GOLPH3: variants seen among roughly 807,000 people sequenced by gnomAD.
GOLPH3 encodes coat protein GPP34.
In GOLPH3, 14 loss-of-function variants were observed where a neutral mutation model predicts 28.5. The observed-to-expected ratio is 0.49, with a 90% CI of 0.32 to 0.77. GOLPH3 has a LOEUF of 0.77. Among genes scored for constraint, GOLPH3 ranks in the 30% least tolerant of loss-of-function variants. The pLI is 0.03. For synonymous variants in GOLPH3, 158 were observed against 159.2 expected, an observed-to-expected ratio of 0.99 and a Z score of 0.06; for missense variants, 350 against 393.7, an observed-to-expected ratio of 0.89 and a Z score of 0.94.
chr5:32,158,637 C>T (rs75566623), intron 1 of GOLPH3, among the ~76,000 whole-genome samples: 4,747 of 152,148 alleles, frequency 0.031, 149 homozygotes, highest in East Asian at 0.16. Context: ...AGCTCCTGCT[C>T]GGGCTCTTTG....
intron 1 of GOLPH3, among the ~76,000 whole-genome samples, chr5:32,158,823 T>C (rs1021675355): frequency 1.3e-5 from 2 of 152,200 alleles, no homozygotes; most frequent in Non-Finnish European, 2.9e-5. Flanking sequence ...CTCTTCAAGA[T>C]ACTCTCCATT....
chr5:32,153,818 G>A (rs1746361077), intron 1 of GOLPH3, among the ~76,000 whole-genome samples: 1 of 152,094 alleles, frequency 6.6e-6, no homozygotes, highest in African/African-American at 2.4e-5. Flanking sequence ...ATACGAAAGA[G>A]TCCTACAAGC....
intron 2 of GOLPH3, among the ~76,000 whole-genome samples, chr5:32,143,313 C>T (rs981617355): frequency 6.6e-5 from 10 of 151,368 alleles, no homozygotes; most frequent in Admixed American, 1.3e-4. Context: ...ACAAACACTG[C>T]GGAAGGCCGC....
Position 32,173,858 on chromosome 5 carries a change from C to T in GOLPH3, c.177G>A (p.Arg59=). 6.6e-7 allele frequency: 1 copy of T among 1,525,650 alleles called. No individual in the cohort carries two copies. 94.5% of individuals were successfully genotyped at this position (1,525,650 alleles called of 1,614,324 possible). ...DDDKGDSKET[R]LTLMEEVLLL... is the part of the protein sequence containing the mutation. ...GGAGCACTTCCTCCATCAGGGTCAG[C>T]CGCGTTTCCTTGGAGTCGCCCTTGT... The change falls in exon 1 of 4, where the codon CGG becomes CGA. Residue 59 remains arginine, a synonymous_variant. Transcript: ENST00000265070.
intron 1 of GOLPH3, among the ~76,000 whole-genome samples, chr5:32,152,866 A>G (rs1746339413): frequency 1.3e-5 from 2 of 152,186 alleles, no homozygotes; most frequent in African/African-American, 2.4e-5. Context: ...AGGCATTCTC[A>G]TAACTATGAT....
chr5:32,157,429 T>C (rs1262465863), intron 1 of GOLPH3, among the ~76,000 whole-genome samples: 1 of 152,176 alleles, frequency 6.6e-6, no homozygotes, highest in Non-Finnish European at 1.5e-5. Flanking sequence ...CCTTCTGAAC[T>C]AAGTGCTATT....
intron 1 of GOLPH3, among the ~76,000 whole-genome samples, chr5:32,172,052 CT>C (rs1387758044): frequency 1.3e-5 from 2 of 152,282 alleles, no homozygotes; most frequent in East Asian, 1.9e-4. Flanking sequence ...CGCTATACCC[CT>C]AGTTTACTTT....
intron 1 of GOLPH3, among the ~76,000 whole-genome samples, chr5:32,153,701 A>G (rs377519919): frequency 5.2e-4 from 79 of 152,358 alleles, no homozygotes; most frequent in African/African-American, 1.7e-3. Flanking sequence ...TAAGTTAAAT[A>G]AAAATCTATA....
intron 1 of GOLPH3, among the ~76,000 whole-genome samples, chr5:32,158,494 CA>C (rs1386652478): frequency 6.6e-6 from 1 of 152,154 alleles, no homozygotes; most frequent in Non-Finnish European, 1.5e-5. Flanking sequence ...TACCATCATA[CA>C]AGAGACAGAC....
intron 1 of GOLPH3, among the ~76,000 whole-genome samples, chr5:32,157,007 G>A (rs1746446558): frequency 6.6e-6 from 1 of 152,188 alleles, no homozygotes; most frequent in South Asian, 2.1e-4. Flanking sequence ...TAAGTTACTG[G>A]TAGTAATCAA....
At chr5:32,148,511 A>T (rs549910209) in intron 1 of GOLPH3, among the ~76,000 whole-genome samples, 3 of 152,362 alleles carry the variant, frequency 2.0e-5, no homozygotes, top group African/African-American at 7.2e-5. Flanking sequence ...ATAGAAATAT[A>T]GGCCAGGTCC....
chr5:32,130,937 T>C (rs1386856334), intron 3 of GOLPH3, among the ~76,000 whole-genome samples: 2 of 152,238 alleles, frequency 1.3e-5, no homozygotes, highest in South Asian at 2.1e-4. Flanking sequence ...TTCCAAAGTA[T>C]ACTAACTTAC....
rs1746130586 is a variant in GOLPH3 at position 32,143,606 on chromosome 5, T to C, written c.357+143A>G. 5 of 718,110 alleles carry C rather than the reference T, an allele frequency of 7.0e-6. No individual in the cohort carries two copies. The South Asian group carries it at 9.7e-5, about 14-fold the overall frequency. The allele number at this position is 718,110 out of a possible 1,614,324, so 44.5% of individuals were successfully genotyped here. A position where few individuals can be genotyped will look rare whatever the true frequency, so the allele number is the denominator to read the frequency against. Reference sequence around the variant, plus strand: ...GGTGAAAGAACCAGGAAACCAAGAATGCAAAAAAGATATGGAAATACAATT... The same window carrying C: ...GGTGAAAGAACCAGGAAACCAAGAACGCAAAAAAGATATGGAAATACAATT... On this transcript the variant is annotated intron_variant, in intron 2 of 3. Transcript: ENST00000265070.
At chr5:32,150,132 T>C (rs1427810350) in intron 1 of GOLPH3, among the ~76,000 whole-genome samples, 1 of 152,064 alleles carries the variant, frequency 6.6e-6, no homozygotes, top group South Asian at 2.1e-4. Flanking sequence ...AGTTGTCATA[T>C]ACAAACAAAA....
intron 3 of GOLPH3, among the ~76,000 whole-genome samples, chr5:32,135,063 A>T (rs190532634): frequency 0.032 from 4,875 of 152,302 alleles, 158 homozygotes; most frequent in East Asian, 0.17. Context: ...CTGATCAATG[A>T]AACATGAACC....
At chr5:32,149,942 A>T (rs1746268698) in intron 1 of GOLPH3, among the ~76,000 whole-genome samples, 1 of 152,012 alleles carries the variant, frequency 6.6e-6, no homozygotes, top group Non-Finnish European at 1.5e-5. Context: ...GGCTGCAGTG[A>T]GCCACTGCAC....
chr5:32,163,007 G>A (rs1362333757), intron 1 of GOLPH3, among the ~76,000 whole-genome samples: 2 of 152,232 alleles, frequency 1.3e-5, no homozygotes, highest in Admixed American at 1.3e-4. Flanking sequence ...GAACCCGGGA[G>A]GCAGAGCTTG....
chr5:32,143,969 T>C, intron 1 of GOLPH3, 89 bp from the exon 2 acceptor site: 1 of 823,782 alleles, frequency 1.2e-6, no homozygotes, highest in South Asian at 2.2e-5. Context: ...GCCAAAGTCA[T>C]ATTTGGTGCC....
At chr5:32,155,716 G>C (rs1298805926) in intron 1 of GOLPH3, among the ~76,000 whole-genome samples, 1 of 151,966 alleles carries the variant, frequency 6.6e-6, no homozygotes, top group Non-Finnish European at 1.5e-5. Context: ...TCAGCACTTT[G>C]GGAGGCCGAG....
Sources: allele counts gnomAD v4.1 joint callset (sites outside exome capture counted in the v4.1 genomes callset), GRCh38; gene constraint gnomAD v4.1.1; transcripts MANE v1.5; gene names NCBI Gene and HGNC (gene_info 2026-07-23, HGNC 2026-07-21).